NUBPL: variants seen among roughly 807,000 people sequenced by gnomAD.
The protein encoded by NUBPL is NUBP iron-sulfur cluster assembly factor, mitochondrial.
In NUBPL, 31 loss-of-function variants were observed where a neutral mutation model predicts 45.7. That is an observed-to-expected ratio of 0.68 (90% confidence interval 0.51 to 0.92). The LOEUF is 0.92. Among genes scored for constraint, NUBPL ranks in the 40% least tolerant of loss-of-function variants. NUBPL has a pLI of 0.00. For synonymous variants in NUBPL, 144 were observed against 140.9 expected (o/e 1.02, Z -0.15); for missense variants, 401 against 398.7 (o/e 1.01, Z -0.05).
chr14:31,666,774 T>C (rs1489287026), intron 4 of NUBPL, among the ~76,000 whole-genome samples: 4 of 152,304 alleles, frequency 2.6e-5, no homozygotes, highest in African/African-American at 7.2e-5. Flanking sequence ...CAGCTTTTGC[T>C]TGTCTCTAAA....
chr14:31,848,284 A>G (rs762366568), intron 9 of NUBPL, among the ~76,000 whole-genome samples: 5 of 152,328 alleles, frequency 3.3e-5, no homozygotes, highest in Middle Eastern at 3.4e-3. Flanking sequence ...GGTGTCTCCC[A>G]TGAAGTGGAG....
At chr14:31,636,533 A>T (rs1311775373) in intron 4 of NUBPL, among the ~76,000 whole-genome samples, 1 of 152,072 alleles carries the variant, frequency 6.6e-6, no homozygotes, top group African/African-American at 2.4e-5. Context: ...TTCATCAAGG[A>T]TATTGGTCTA....
chr14:31,666,252 T>TGTAG (rs1310758726), intron 4 of NUBPL, among the ~76,000 whole-genome samples: 2,437 of 44,516 alleles, frequency 0.055, 179 homozygotes, highest in South Asian at 0.095. Context: ...TATATATATA[T>TGTAG]ATATATATAT....
chr14:31,667,410 A>C (rs1343933596), intron 4 of NUBPL, among the ~76,000 whole-genome samples: 1 of 151,858 alleles, frequency 6.6e-6, no homozygotes, highest in East Asian at 1.9e-4. Context: ...CAGGTCATTT[A>C]TCTTCTTCTC....
At chr14:31,642,265 C>T (rs74690303) in intron 4 of NUBPL, among the ~76,000 whole-genome samples, 10 of 152,222 alleles carry the variant, frequency 6.6e-5, no homozygotes, top group African/African-American at 1.4e-4. Flanking sequence ...CCCAGACTAA[C>T]GTTCTGGAGC....
intron 4 of NUBPL, among the ~76,000 whole-genome samples, chr14:31,604,415 C>A (rs1439550524): frequency 1.3e-5 from 2 of 152,134 alleles, no homozygotes; most frequent in Non-Finnish European, 2.9e-5. Flanking sequence ...AAACACAATA[C>A]AATACAAAAT....
intron 4 of NUBPL, among the ~76,000 whole-genome samples, chr14:31,641,055 G>A (rs775383545): frequency 2.0e-5 from 3 of 152,028 alleles, no homozygotes; most frequent in Non-Finnish European, 4.4e-5. Context: ...GGGTTCAAGT[G>A]ATTCTTCTGC....
Position 31,597,438 on chromosome 14 carries a change from T to G in NUBPL, c.292-1851T>G, listed in dbSNP as rs112219912. ...TCATCTTTAGGCAAGCTTGGTATTCTTCTAGAAGCAGGATAGATGATAGAT... is the reference window on the plus strand; with the variant it reads ...TCATCTTTAGGCAAGCTTGGTATTCGTCTAGAAGCAGGATAGATGATAGAT... On this transcript the variant is annotated intron_variant, in intron 3 of 10. Coordinates refer to ENST00000281081, the MANE Select transcript of NUBPL (RefSeq NM_025152.3). Among the ~76,000 whole-genome samples the G allele has an allele frequency of 3.9e-4, 59 of 152,310 alleles. 1 individual carries two copies. Among genetic ancestry groups the G allele is most frequent in the African/African-American group, 1.3e-3 (52 of 41,582 alleles).
intron 4 of NUBPL, among the ~76,000 whole-genome samples, chr14:31,609,930 G>A (rs975330999): frequency 4.6e-5 from 7 of 152,012 alleles, no homozygotes; most frequent in Non-Finnish European, 7.4e-5. Flanking sequence ...TGTACTAAGA[G>A]GGAAGTTTGT....
chr14:31,662,749 C>G (rs2036305164), intron 4 of NUBPL, among the ~76,000 whole-genome samples: 1 of 152,106 alleles, frequency 6.6e-6, no homozygotes, highest in Non-Finnish European at 1.5e-5. Context: ...TTGCTATTGT[C>G]AATAGTGCTG....
intron 7 of NUBPL, among the ~76,000 whole-genome samples, chr14:31,792,197 A>G (rs768251043): frequency 6.6e-6 from 1 of 152,196 alleles, no homozygotes; most frequent in Non-Finnish European, 1.5e-5. Flanking sequence ...ATTAAAATTC[A>G]CTTAGGTTGA....
chr14:31,711,143 C>T (rs1236947717), intron 6 of NUBPL, among the ~76,000 whole-genome samples: 6 of 152,300 alleles, frequency 3.9e-5, no homozygotes, highest in South Asian at 2.1e-4. Flanking sequence ...GGGTTCCGCT[C>T]ATGGCCACAG....
At chr14:31,633,139 C>G (rs17390827) in intron 4 of NUBPL, among the ~76,000 whole-genome samples, 55,748 of 151,918 alleles carry the variant, frequency 0.37, 12,581 homozygotes, top group East Asian at 0.59. Flanking sequence ...GCATCTTTGG[C>G]TGTGTATGCC....
At chr14:31,769,937 G>A (rs2038978693) in intron 6 of NUBPL, among the ~76,000 whole-genome samples, 1 of 152,144 alleles carries the variant, frequency 6.6e-6, no homozygotes, top group Non-Finnish European at 1.5e-5. Context: ...AGGTATGCCA[G>A]TCTCCCTAAA....
chr14:31,693,852 C>CTTTTTTTTT (rs138873656), intron 6 of NUBPL, among the ~76,000 whole-genome samples: 4 of 66,572 alleles, frequency 6.0e-5, no homozygotes, highest in African/African-American at 1.4e-4. Flanking sequence ...ATTTTCTTTT[C>CTTTTTTTTT]TTTTCTTTTT....
chr14:31,567,890 TA>T (rs987200243), intron 3 of NUBPL, among the ~76,000 whole-genome samples: 2 of 152,222 alleles, frequency 1.3e-5, no homozygotes, highest in African/African-American at 4.8e-5. Flanking sequence ...ACCAACCCTC[TA>T]GGCGATTTTG....
intron 6 of NUBPL, among the ~76,000 whole-genome samples, chr14:31,745,958 C>T (rs1167139475): frequency 6.6e-6 from 1 of 151,994 alleles, no homozygotes; most frequent in African/African-American, 2.4e-5. Context: ...TGTGGTTTAA[C>T]AAGCCCTTTC....
chr14:31,722,347 C>T (rs891181698), intron 6 of NUBPL, among the ~76,000 whole-genome samples: 3 of 152,032 alleles, frequency 2.0e-5, no homozygotes, highest in Admixed American at 6.5e-5. Flanking sequence ...GTCATTGAAG[C>T]GCATTTAGGT....
At chr14:31,723,977 T>C (rs967070704) in intron 6 of NUBPL, among the ~76,000 whole-genome samples, 2 of 152,214 alleles carry the variant, frequency 1.3e-5, no homozygotes, top group Non-Finnish European at 2.9e-5. Context: ...CTTCCAATAC[T>C]AAGTTGAATA....
Sources: allele counts gnomAD v4.1 joint callset (sites outside exome capture counted in the v4.1 genomes callset), GRCh38; gene constraint gnomAD v4.1.1; transcripts MANE v1.5; gene names NCBI Gene and HGNC (gene_info 2026-07-23, HGNC 2026-07-21).